BEND4: variants seen among roughly 807,000 people sequenced by gnomAD.
BEND4 encodes BEN domain containing 4, also known as BEN domain-containing protein 4.
A neutral mutation model predicts 54.7 loss-of-function variants in BEND4; 27 were observed. That is an observed-to-expected ratio of 0.49 (90% CI 0.36 to 0.68). The LOEUF is 0.68. Among genes scored for constraint, BEND4 ranks in the 30% least tolerant of loss-of-function variants. BEND4 has a pLI of 0.00. For missense variants in BEND4, 702 were observed against 697.2 expected (o/e 1.01, Z -0.08); for synonymous variants, 327 against 299.5 (o/e 1.09, Z -0.95).
intron 4 of BEND4, among the ~76,000 whole-genome samples, chr4:42,121,999 C>A (rs1380538970): frequency 6.6e-6 from 1 of 152,100 alleles, no homozygotes; most frequent in Admixed American, 6.5e-5. Flanking sequence ...GAATGGTTGA[C>A]CCCCAGCCCT....
intron 2 of BEND4, among the ~76,000 whole-genome samples, chr4:42,149,470 T>C (rs904884464): frequency 3.3e-5 from 5 of 152,162 alleles, no homozygotes; most frequent in Non-Finnish European, 7.4e-5. Flanking sequence ...TTCCCATCTT[T>C]CCAACAAGCA....
At chr4:42,130,112 A>G (rs138597304) in intron 3 of BEND4, among the ~76,000 whole-genome samples, 218 of 152,354 alleles carry the variant, frequency 1.4e-3, no homozygotes, top group African/African-American at 4.9e-3. Flanking sequence ...CACTTCTCAA[A>G]AGAAGACATT....
At chr4:42,141,983 A>T (rs1720901544) in intron 3 of BEND4, among the ~76,000 whole-genome samples, 1 of 151,758 alleles carries the variant, frequency 6.6e-6, no homozygotes, top group South Asian at 2.1e-4. Flanking sequence ...CAGCTCACCG[A>T]ACCTCTGCCT....
Position 42,143,794 on chromosome 4 carries a change from C to T in BEND4, c.688G>A (p.Asp230Asn), listed in dbSNP as rs1362917331. 26 of 1,608,966 alleles carry T rather than the reference C, an allele frequency of 1.6e-5. No homozygotes were observed. The highest frequency in any genetic ancestry group is 2.2e-5 in the Non-Finnish European group (26 of 1,177,362). The change falls in exon 3 of 6, where the codon GAC (aspartate) becomes AAC (asparagine). Residue 230 changes from aspartate (D) to asparagine (N), a missense_variant. Coordinates refer to ENST00000502486, the MANE Select transcript of BEND4 (RefSeq NM_207406.4). Reference protein sequence around the residue: ...GVHSQTSDNVDIEMQYMQRKQ... With the variant: ...GVHSQTSDNVNIEMQYMQRKQ... ...CTTTGCATATACTGCATCTCTATGT[C>T]TACATTGTCTGAGGTCTGACTGTGG...
intron 2 of BEND4, 91 bp downstream of exon 2, chr4:42,151,566 A>G (rs2153148383): frequency 7.8e-7 from 1 of 1,277,264 alleles, no homozygotes; most frequent in Non-Finnish European, 1.0e-6. Flanking sequence ...CAGCACGGGT[A>G]AGTGTCGGCG....
intron 3 of BEND4, among the ~76,000 whole-genome samples, chr4:42,128,816 G>A (rs567291305): frequency 6.9e-6 from 1 of 145,580 alleles, no homozygotes. Context: ...GGCGCCTGTA[G>A]TCCCAGCTAC....
In BEND4 at chr4:42,117,069, TTGGAA is replaced by T. The variant is rs1483592446; in HGVS notation, c.*444_*448del. Reference sequence around the variant, plus strand: ...TGCCGAGAAATATGAAGTCAAGTCTTTGGAAAACATAAAGACAACTTATTTGAATT... The same window carrying T: ...TGCCGAGAAATATGAAGTCAAGTCTTAACATAAAGACAACTTATTTGAATT... On this transcript the variant is annotated 3_prime_UTR_variant, in exon 6 of 6. Coordinates refer to ENST00000502486, the MANE Select transcript of BEND4 (RefSeq NM_207406.4). 6.5e-6 allele frequency: 1 copy of T among 154,212 alleles called. No homozygotes were observed. Among genetic ancestry groups the T allele is most frequent in the Non-Finnish European group, 1.4e-5 (1 of 69,600 alleles). The allele number at this position is 154,212 out of a possible 1,614,324, so 9.6% of individuals were successfully genotyped here.
intron 4 of BEND4, among the ~76,000 whole-genome samples, chr4:42,124,028 C>T (rs1451626141): frequency 7.2e-5 from 11 of 152,146 alleles, no homozygotes; most frequent in Non-Finnish European, 1.5e-5. Flanking sequence ...TCTAGGTATG[C>T]ATGTGGGACT....
chr4:42,145,375 T>C (rs544929112), intron 2 of BEND4, among the ~76,000 whole-genome samples: 1 of 152,254 alleles, frequency 6.6e-6, no homozygotes, highest in East Asian at 1.9e-4. Flanking sequence ...GTCCAAGTGC[T>C]CTTTTCCAAC....
intron 5 of BEND4, 142 bp downstream of exon 5, chr4:42,119,912 G>GA: frequency 9.7e-7 from 1 of 1,032,402 alleles, no homozygotes; most frequent in Non-Finnish European, 1.5e-6. Flanking sequence ...TCAAGACTGA[G>GA]TAGATGGGCC....
intron 3 of BEND4, among the ~76,000 whole-genome samples, chr4:42,142,164 C>T (rs1200878373): frequency 6.6e-6 from 1 of 151,382 alleles, no homozygotes; most frequent in African/African-American, 2.4e-5. Flanking sequence ...CCTCGGCCTC[C>T]CAAAGTGCTG....
intron 4 of BEND4, among the ~76,000 whole-genome samples, chr4:42,123,694 GAAAAAAAA>G (rs71664396): frequency 2.0e-5 from 1 of 50,808 alleles, no homozygotes; most frequent in African/African-American, 7.5e-5. Context: ...CTGTAATTCA[GAAAAAAAA>G]AAAAAAAAAA....
In BEND4 at chr4:42,113,275, T is replaced by C. The variant is rs959184358; in HGVS notation, c.*4243A>G. On this transcript the variant is annotated 3_prime_UTR_variant, in exon 6 of 6. Coordinates refer to ENST00000502486, the MANE Select transcript of BEND4 (RefSeq NM_207406.4). ...GAATGAGGAAAGTTATACATTTAAA[T>C]CTTTCCTAAAATTGAAGCTATTATC... The C allele has an allele frequency of 6.6e-6, 1 of 152,336 alleles. No individual in the cohort carries two copies. Among genetic ancestry groups the C allele is most frequent in the African/African-American group, 2.4e-5 (1 of 41,582 alleles). 9.4% of individuals were successfully genotyped at this position (152,336 alleles called of 1,614,324 possible). A position where few individuals can be genotyped will look rare whatever the true frequency, so the allele number is the denominator to read the frequency against.
At position 42,125,643 on chromosome 4, in the gene BEND4, C is replaced by G; in HGVS notation, c.1086G>C (p.Lys362Asn). The part of the protein sequence containing the change: ...VPCQTVLDYL[K>N]MVLQHHNQLL... The stretch of plus-strand genomic sequence containing the variant: ...GTTGGTTGTGGTGCTGCAGAACCAT[C>G]TTCAAGTAATCTAAAACGGTCTGGC... The change falls in exon 4 of 6, where the codon AAG becomes AAC. Residue 362 changes from lysine (K) to asparagine (N), a missense_variant. Lys to Asn is a moderately conservative substitution (Grantham distance 94, BLOSUM62 0). Transcript: ENST00000502486. The G allele has an allele frequency of 6.2e-7, 1 of 1,613,330 alleles. No individual in the cohort carries two copies.
In BEND4 at chr4:42,136,462, T is replaced by G. The variant is rs555203414; in HGVS notation, c.1054+6966A>C. The stretch of plus-strand genomic sequence containing the variant: ...ATTCATGGATTCGGTATTTGCAAAT[T>G]TGCTTTACTTACCAAAATGTATTTG... On this transcript the variant is annotated intron_variant, in intron 3 of 5. Coordinates refer to ENST00000502486, the MANE Select transcript of BEND4 (RefSeq NM_207406.4). 2.0e-5 allele frequency among the ~76,000 whole-genome samples: 3 copies of G among 152,228 alleles called. No homozygotes were observed. In the East Asian group the frequency reaches 5.8e-4, roughly 29 times the overall value.
chr4:42,143,576 A>G lies in BEND4; in HGVS notation c.906T>C (p.His302=). Residue 302 remains histidine, a synonymous_variant, in exon 3 of 6, where the codon CAT becomes CAC. Coordinates refer to ENST00000502486, the MANE Select transcript of BEND4 (RefSeq NM_207406.4). The stretch of plus-strand genomic sequence containing the variant: ...GCAGTGTAGATGAAGATGGGTGGCC[A>G]TGGGATTCGGACGTTGCTGGGGAAG... ...GWTSPATSES[H]GHPSSSTLPE... 1 of 1,573,928 alleles carries G rather than the reference A, an allele frequency of 6.4e-7. No homozygotes were observed. Among genetic ancestry groups the G allele is most frequent in the Non-Finnish European group, 8.6e-7 (1 of 1,159,528 alleles).
chr4:42,149,590 A>T (rs1721190761), intron 2 of BEND4, among the ~76,000 whole-genome samples: 1 of 152,224 alleles, frequency 6.6e-6, no homozygotes, highest in African/African-American at 2.4e-5. Context: ...TTCGAAGGGC[A>T]TCAAAAAAGC....
At chr4:42,139,935 A>T (rs1467829721) in intron 3 of BEND4, among the ~76,000 whole-genome samples, 1 of 152,236 alleles carries the variant, frequency 6.6e-6, no homozygotes, top group East Asian at 1.9e-4. Flanking sequence ...TTTTTATTCT[A>T]TGCAAAACCA....
chr4:42,138,287 G>A (rs1005500614), intron 3 of BEND4, among the ~76,000 whole-genome samples: 6 of 152,196 alleles, frequency 3.9e-5, no homozygotes, highest in East Asian at 1.9e-4. Flanking sequence ...CACAACTTGG[G>A]TGAGTCCGAA....
Sources: gnomAD v4.1 joint callset for allele counts (sites outside exome capture counted in the v4.1 genomes callset) on GRCh38, gnomAD v4.1.1 for gene constraint, MANE v1.5 for transcripts, NCBI Gene and HGNC (gene_info 2026-07-23, HGNC 2026-07-21) for gene names.